The following BTRC variants were observed in gnomAD, a reference collection of about 807,000 sequenced individuals.
The protein encoded by BTRC is F-box/WD repeat-containing protein 1A.
A neutral mutation model predicts 85.5 loss-of-function variants in BTRC; 42 were observed. That is an observed-to-expected ratio of 0.49 (90% CI 0.38 to 0.64). The LOEUF is 0.64. BTRC is among the 30% of genes least tolerant of loss of function. The pLI is 0.00. For missense variants in BTRC, 594 were observed against 743.5 expected, an observed-to-expected ratio of 0.80 and a Z score of 2.34; for synonymous variants, 255 against 263.3, an observed-to-expected ratio of 0.97 and a Z score of 0.30.
chr10:101,388,840 G>A (rs1225357759), intron 1 of BTRC, among the ~76,000 whole-genome samples: 1 of 152,156 alleles, frequency 6.6e-6, no homozygotes. Flanking sequence ...TGATGAAAGA[G>A]CACTTTATTG....
chr10:101,388,608 G>C (rs1428897834), intron 1 of BTRC, among the ~76,000 whole-genome samples: 2 of 152,130 alleles, frequency 1.3e-5, no homozygotes, highest in Non-Finnish European at 2.9e-5. Context: ...TCCCACCTCA[G>C]CTTCCCAAGT....
intron 1 of BTRC, among the ~76,000 whole-genome samples, chr10:101,378,562 T>TC: frequency 6.8e-6 from 1 of 147,258 alleles, no homozygotes; most frequent in South Asian, 2.2e-4. Context: ...TCTCACTCTG[T>TC]CACCCAGGCT....
intron 1 of BTRC, among the ~76,000 whole-genome samples, chr10:101,374,152 T>A (rs973707941): frequency 6.6e-6 from 1 of 152,136 alleles, no homozygotes; most frequent in East Asian, 1.9e-4. Context: ...ACTTCCACAA[T>A]GGTTGAACTA....
upstream of BTRC, chr10:101,354,097 G>T: frequency 6.8e-7 from 1 of 1,473,866 alleles, no homozygotes; most frequent in Non-Finnish European, 9.3e-7. Flanking sequence ...GGAAGAGGAG[G>T]CGGGATCCGG....
rs190833738 is a variant in BTRC, at chr10:101,419,922, G to A, written c.49-10423G>A. Among the ~76,000 whole-genome samples the A allele has an allele frequency of 7.0e-4, 107 of 152,070 alleles. No homozygotes were observed. In the Middle Eastern group the frequency reaches 0.01, roughly 15 times the overall value. Reference sequence around the variant, plus strand: ...CTTAAACTTTCCTGTCCAAGCCCTCGCATTGTTCTAAGGAGCTCTGGTTCC... The same window carrying A: ...CTTAAACTTTCCTGTCCAAGCCCTCACATTGTTCTAAGGAGCTCTGGTTCC... On this transcript the variant is annotated intron_variant, in intron 1 of 14. Transcript: ENST00000370187.
chr10:101,358,969 G>T (rs190500186), intron 1 of BTRC, among the ~76,000 whole-genome samples: 1 of 152,150 alleles, frequency 6.6e-6, no homozygotes, highest in Non-Finnish European at 1.5e-5. Flanking sequence ...CTAGTTGGAT[G>T]TTAAGGCTAA....
intron 2 of BTRC, among the ~76,000 whole-genome samples, chr10:101,432,966 T>C (rs1944439615): frequency 6.6e-6 from 1 of 152,194 alleles, no homozygotes; most frequent in Non-Finnish European, 1.5e-5. Flanking sequence ...TAGTCTCTTA[T>C]TTCCTCCTGG....
At chr10:101,487,020 CAT>C (rs1946007305) in intron 4 of BTRC, among the ~76,000 whole-genome samples, 2 of 152,102 alleles carry the variant, frequency 1.3e-5, no homozygotes, top group East Asian at 3.8e-4. Context: ...TTTATAAGAA[CAT>C]ATCATTTAAA....
At chr10:101,354,118 G>T, upstream of BTRC, 1 of 1,536,002 alleles carries the variant, frequency 6.5e-7, no homozygotes, top group South Asian at 1.2e-5. Context: ...GCGCTGCGTT[G>T]GCTGCGGCCT....
intron 1 of BTRC, among the ~76,000 whole-genome samples, chr10:101,406,973 T>C (rs1322880406): frequency 6.6e-6 from 1 of 152,232 alleles, no homozygotes; most frequent in Non-Finnish European, 1.5e-5. Flanking sequence ...CATCTGTCCT[T>C]CTTTGTTTAT....
chr10:101,428,087 A>T (rs1352010500), intron 1 of BTRC, among the ~76,000 whole-genome samples: 1 of 152,112 alleles, frequency 6.6e-6, no homozygotes, highest in African/African-American at 2.4e-5. Flanking sequence ...GCTGGCAGAG[A>T]CTGAAATTAG....
chr10:101,368,934 G>A (rs757015450), intron 1 of BTRC, among the ~76,000 whole-genome samples: 1 of 152,074 alleles, frequency 6.6e-6, no homozygotes, highest in African/African-American at 2.4e-5. Flanking sequence ...CACGAGAATC[G>A]CTTGAACCTG....
At chr10:101,548,368 A>G (rs1413258101) in intron 13 of BTRC, among the ~76,000 whole-genome samples, 1 of 152,228 alleles carries the variant, frequency 6.6e-6, no homozygotes, top group Non-Finnish European at 1.5e-5. Context: ...TAGTATATTC[A>G]TACAGTGGAA....
chr10:101,469,000 C>G (rs1945452177), intron 3 of BTRC, among the ~76,000 whole-genome samples: 1 of 152,180 alleles, frequency 6.6e-6, no homozygotes, highest in Non-Finnish European at 1.5e-5. Flanking sequence ...AGAATTACAG[C>G]CTGCTTTCAC....
chr10:101,507,780 G>A (rs942147867), intron 4 of BTRC, among the ~76,000 whole-genome samples: 21 of 152,174 alleles, frequency 1.4e-4, no homozygotes, highest in Non-Finnish European at 5.9e-5. Context: ...CAGTGCAGAG[G>A]CACCCCGGGT....
intron 1 of BTRC, among the ~76,000 whole-genome samples, chr10:101,402,977 A>C (rs1360123859): frequency 6.6e-6 from 1 of 152,232 alleles, no homozygotes; most frequent in African/African-American, 2.4e-5. Flanking sequence ...TATAAATGTT[A>C]ATGTGTGGTG....
At chr10:101,480,018 C>T (rs548378158) in intron 4 of BTRC, among the ~76,000 whole-genome samples, 31 of 152,258 alleles carry the variant, frequency 2.0e-4, no homozygotes, top group African/African-American at 7.5e-4. Flanking sequence ...TATTAGAGAT[C>T]TGATGCTTTT....
At position 101,535,239 on chromosome 10, in the gene BTRC, G is replaced by C. The variant is rs1245476890; in HGVS notation, c.1348-115G>C. 8.4e-6 allele frequency: 7 copies of C among 835,308 alleles called. No individual in the cohort carries two copies. In the African/African-American group the frequency reaches 1.2e-4, roughly 14 times the overall value. The allele number at this position is 835,308 out of a possible 1,614,324, so 51.7% of individuals were successfully genotyped here. On this transcript the variant is annotated intron_variant, in intron 10 of 14. Coordinates refer to ENST00000370187, the MANE Select transcript of BTRC (RefSeq NM_033637.4). ...ATTGTCCTTTGTTTTATTTGTTTGAGAAGACTTCCCTCTAATGGTTCAGTC... is the reference window on the plus strand; with the variant it reads ...ATTGTCCTTTGTTTTATTTGTTTGACAAGACTTCCCTCTAATGGTTCAGTC...
At chr10:101,390,409 C>G (rs1195912493) in intron 1 of BTRC, among the ~76,000 whole-genome samples, 1 of 148,382 alleles carries the variant, frequency 6.7e-6, no homozygotes, top group Non-Finnish European at 1.5e-5. Flanking sequence ...GCAATCTCTG[C>G]TCACTGCAAG....
Sources: gnomAD v4.1 joint callset for allele counts (sites outside exome capture counted in the v4.1 genomes callset) on GRCh38, gnomAD v4.1.1 for gene constraint, MANE v1.5 for transcripts, NCBI Gene and HGNC (gene_info 2026-07-23, HGNC 2026-07-21) for gene names.